Variants in NR6A1 observed in about 807,000 individuals in gnomAD.
NR6A1 encodes the protein nuclear receptor subfamily 6 group A member 1.
NR6A1 carries 7 observed loss-of-function variants against 59.1 expected under a neutral mutation model. The ratio of observed to expected loss-of-function variants is 0.12; its 90% CI spans 0.07 to 0.22. The LOEUF (loss-of-function observed/expected upper bound fraction) is 0.22. NR6A1 is among the 10% of genes least tolerant of loss of function. NR6A1 has a pLI of 1.00. For missense variants in NR6A1, 468 were observed against 611.6 expected (o/e 0.77, Z 2.48); for synonymous variants, 243 against 236.1 (o/e 1.03, Z -0.27).
rs113329378 is a variant in NR6A1 at position 124,524,262 on chromosome 9, T to C, written c.1354+459A>G. Among the ~76,000 whole-genome samples the C allele has an allele frequency of 8.4e-3, 1,284 of 152,272 alleles. 16 individuals carry two copies. Among genetic ancestry groups the C allele is most frequent in the African/African-American group, 0.029 (1,223 of 41,554 alleles). ...AGGAGCCACTGTGCCCAGCTAAAGA[T>C]ATCACTTTAAATAAATGATCCCTCA... On this transcript the variant is annotated intron_variant, in intron 9 of 9. Coordinates refer to ENST00000487099, the MANE Select transcript of NR6A1 (RefSeq NM_033334.4).
intron 2 of NR6A1, among the ~76,000 whole-genome samples, chr9:124,563,499 C>A (rs1003162495): frequency 3.3e-5 from 5 of 152,078 alleles, no homozygotes; most frequent in Non-Finnish European, 7.4e-5. Context: ...CTGTAAAATA[C>A]AAATAATATT....
At chr9:124,748,820 G>A (rs562322722) in intron 1 of NR6A1, among the ~76,000 whole-genome samples, 9 of 149,968 alleles carry the variant, frequency 6.0e-5, no homozygotes, top group African/African-American at 9.9e-5. Flanking sequence ...AGCTGAGATC[G>A]CGCCACTGCA....
chr9:124,761,897 T>A (rs1472632105), intron 1 of NR6A1, among the ~76,000 whole-genome samples: 1 of 152,222 alleles, frequency 6.6e-6, no homozygotes, highest in Non-Finnish European at 1.5e-5. Context: ...ACAGGTTTCA[T>A]GTAGCAGGTA....
intron 2 of NR6A1, among the ~76,000 whole-genome samples, chr9:124,643,556 C>T (rs1449830895): frequency 2.0e-5 from 3 of 150,992 alleles, no homozygotes; most frequent in Non-Finnish European, 4.4e-5. Flanking sequence ...GCCAAGATTC[C>T]GCACCACTGC....
intron 2 of NR6A1, among the ~76,000 whole-genome samples, chr9:124,606,028 T>C (rs556775709): frequency 2.0e-5 from 3 of 152,280 alleles, no homozygotes; most frequent in South Asian, 2.1e-4. Context: ...CTCAAAACCA[T>C]GCCAGTTCTA....
rs559204034 is a variant in NR6A1, at chr9:124,628,474, G to A, written c.143-73904C>T. Among the ~76,000 whole-genome samples the A allele has an allele frequency of 5.9e-4, 90 of 152,208 alleles. 1 individual carries two copies. The South Asian group carries it at 0.018, about 31-fold the overall frequency. ...TTCCCCTGCTTCAGCCTCCCAAGTAGCTGGAACTTCAGGCACATACTACCA... is the reference window on the plus strand; with the variant it reads ...TTCCCCTGCTTCAGCCTCCCAAGTAACTGGAACTTCAGGCACATACTACCA... On this transcript the variant is annotated intron_variant, in intron 2 of 9. Coordinates refer to ENST00000487099, the MANE Select transcript of NR6A1 (RefSeq NM_033334.4).
At chr9:124,565,944 C>A (rs536300354) in intron 2 of NR6A1, among the ~76,000 whole-genome samples, 1 of 152,316 alleles carries the variant, frequency 6.6e-6, no homozygotes, top group East Asian at 1.9e-4. Context: ...TCCTATGATT[C>A]ATTCCCAGGT....
intron 2 of NR6A1, among the ~76,000 whole-genome samples, chr9:124,697,440 G>T (rs1044138883): frequency 6.6e-6 from 1 of 152,156 alleles, no homozygotes; most frequent in Non-Finnish European, 1.5e-5. Context: ...GACCAATCCA[G>T]TCTTGGTGGT....
chr9:124,608,916 A>G (rs1835657084), intron 2 of NR6A1, among the ~76,000 whole-genome samples: 1 of 152,010 alleles, frequency 6.6e-6, no homozygotes, highest in African/African-American at 2.4e-5. Flanking sequence ...TTTTTCTCCT[A>G]TGTTTGTTGG....
At chr9:124,735,348 A>T (rs1222462639) in intron 1 of NR6A1, among the ~76,000 whole-genome samples, 1 of 152,234 alleles carries the variant, frequency 6.6e-6, no homozygotes, top group Non-Finnish European at 1.5e-5. Flanking sequence ...GAATAGTTTA[A>T]ATACCTGCTT....
At chr9:124,538,032 G>A in intron 6 of NR6A1, 60 bp downstream of exon 6, 4 of 1,397,218 alleles carry the variant, frequency 2.9e-6, no homozygotes, top group Non-Finnish European at 3.9e-6. Context: ...GGACGCGAGT[G>A]GGTGTGGGGT....
intron 2 of NR6A1, among the ~76,000 whole-genome samples, chr9:124,642,594 A>C (rs1042815796): frequency 6.6e-6 from 1 of 152,204 alleles, no homozygotes; most frequent in Admixed American, 6.5e-5. Flanking sequence ...CTGTCGTGAC[A>C]ACCAAAAAAT....
intron 1 of NR6A1, among the ~76,000 whole-genome samples, chr9:124,735,821 T>G (rs1161596700): frequency 6.6e-6 from 1 of 152,200 alleles, no homozygotes; most frequent in East Asian, 1.9e-4. Context: ...GAGAGCCCAT[T>G]TTATGGTTCA....
At chr9:124,686,684 T>C (rs1042068593) in intron 2 of NR6A1, among the ~76,000 whole-genome samples, 1 of 151,478 alleles carries the variant, frequency 6.6e-6, no homozygotes, top group African/African-American at 2.4e-5. Flanking sequence ...GATGGAGAAA[T>C]CATGTGCTTC....
intron 2 of NR6A1, among the ~76,000 whole-genome samples, chr9:124,731,625 T>C (rs1839886053): frequency 6.6e-6 from 1 of 152,114 alleles, no homozygotes; most frequent in Admixed American, 6.6e-5. Context: ...GACCAACCCC[T>C]CTTTCTCCTC....
chr9:124,738,460 T>C lies in NR6A1; in HGVS notation c.101-5111A>G, dbSNP rs190121342. On this transcript the variant is annotated intron_variant, in intron 1 of 9. Transcript: ENST00000487099. ...AAGGAAAAGAGAGACAAGAAACAGA[T>C]TGGTTCCTAAGATGATATCACCAAG... 5.3e-5 allele frequency among the ~76,000 whole-genome samples: 8 copies of C among 152,244 alleles called. No homozygotes were observed. In the East Asian group the frequency reaches 1.2e-3, roughly 22 times the overall value.
At chr9:124,679,577 A>G (rs1304583243) in intron 2 of NR6A1, among the ~76,000 whole-genome samples, 1 of 152,104 alleles carries the variant, frequency 6.6e-6, no homozygotes, top group Non-Finnish European at 1.5e-5. Flanking sequence ...AGCATTTTTC[A>G]TTGCTTTTCA....
chr9:124,642,893 T>C (rs1311888973), intron 2 of NR6A1, among the ~76,000 whole-genome samples: 2 of 152,054 alleles, frequency 1.3e-5, no homozygotes, highest in Admixed American at 1.3e-4. Context: ...GATAAGAAAG[T>C]GGGCAGGCTT....
intron 6 of NR6A1, among the ~76,000 whole-genome samples, chr9:124,536,718 TTGG>T (rs1415756991): frequency 6.6e-6 from 1 of 152,098 alleles, no homozygotes; most frequent in Non-Finnish European, 1.5e-5. Context: ...ACTTTTATTG[TTGG>T]TGTTCTCTAA....
Sources: gnomAD v4.1 joint callset for allele counts (sites outside exome capture counted in the v4.1 genomes callset) on GRCh38, gnomAD v4.1.1 for gene constraint, MANE v1.5 for transcripts, NCBI Gene and HGNC (gene_info 2026-07-23, HGNC 2026-07-21) for gene names.